The following SLC25A26 variants were observed in gnomAD, a reference collection of about 807,000 sequenced individuals.
SLC25A26 encodes the protein solute carrier family 25 member 26.
A neutral mutation model predicts 37.8 loss-of-function variants in SLC25A26; 36 were observed. The observed-to-expected ratio is 0.95, with a 90% CI of 0.73 to 1.26. The LOEUF (loss-of-function observed/expected upper bound fraction) is 1.26, where lower values mean the gene tolerates loss of function less well. Among genes scored for constraint, SLC25A26 ranks in the 50% most tolerant of loss-of-function variants. The pLI is 0.00. For missense variants in SLC25A26, 390 were observed against 331.1 expected, an observed-to-expected ratio of 1.18 and a Z score of -1.38; for synonymous variants, 129 against 122.5, an observed-to-expected ratio of 1.05 and a Z score of -0.35.
intron 6 of SLC25A26, among the ~76,000 whole-genome samples, chr3:66,361,305 A>G (rs1192682701): frequency 6.6e-6 from 1 of 152,250 alleles, no homozygotes; most frequent in Non-Finnish European, 1.5e-5. Context: ...AGAAGAAAAC[A>G]CAGGATCAAA....
At chr3:66,224,660 A>G (rs1553659808) in intron 1 of SLC25A26, among the ~76,000 whole-genome samples, 1 of 152,234 alleles carries the variant, frequency 6.6e-6, no homozygotes, top group African/African-American at 2.4e-5. Context: ...TGCCTTCTCA[A>G]CAGTCCCCAA....
intron 1 of SLC25A26, among the ~76,000 whole-genome samples, chr3:66,148,340 G>T (rs1433560122): frequency 6.6e-6 from 1 of 152,162 alleles, no homozygotes; most frequent in Non-Finnish European, 1.5e-5. Context: ...AGCACCCAGG[G>T]GCTAGGAACT....
rs532387979 is a variant in SLC25A26, at chr3:66,250,872, G to T, written c.300+7560G>T. ...TCTATTTAAGGTATCAACACAATGT[G>T]GGATACGTATAGATAGTAAAATGGT... On this transcript the variant is annotated intron_variant, in intron 3 of 9. Coordinates refer to ENST00000354883, the MANE Select transcript of SLC25A26 (RefSeq NM_001379210.1). Among the ~76,000 whole-genome samples, 21 of 152,268 alleles carry T rather than the reference G, an allele frequency of 1.4e-4. No individual in the cohort carries two copies. In the South Asian group the frequency reaches 4.4e-3, roughly 32 times the overall value.
At chr3:66,135,108 G>A (rs1490388978) in intron 1 of SLC25A26, among the ~76,000 whole-genome samples, 1 of 152,196 alleles carries the variant, frequency 6.6e-6, no homozygotes, top group Non-Finnish European at 1.5e-5. Context: ...TGGGATTACA[G>A]GAGTGAGCCA....
intron 1 of SLC25A26, among the ~76,000 whole-genome samples, chr3:66,228,722 T>C (rs901778829): frequency 1.3e-5 from 2 of 152,218 alleles, no homozygotes; most frequent in Non-Finnish European, 2.9e-5. Context: ...TAAAAGTGCT[T>C]ATGCAACTTT....
At chr3:66,202,458 G>A (rs1037297153) in intron 1 of SLC25A26, among the ~76,000 whole-genome samples, 8 of 145,694 alleles carry the variant, frequency 5.5e-5, no homozygotes, top group African/African-American at 1.3e-4. Context: ...TGCAGCAAAT[G>A]ACCACAGCAT....
chr3:66,308,236 C>G (rs2075280498), intron 5 of SLC25A26, among the ~76,000 whole-genome samples: 1 of 151,996 alleles, frequency 6.6e-6, no homozygotes, highest in Non-Finnish European at 1.5e-5. Context: ...AAGTTGTATT[C>G]CTAGGTATTT....
chr3:66,254,539 G>T (rs927887988), intron 3 of SLC25A26, among the ~76,000 whole-genome samples: 2 of 152,230 alleles, frequency 1.3e-5, no homozygotes, highest in Non-Finnish European at 2.9e-5. Context: ...TTAAATTTCT[G>T]TTGAATTGGT....
At chr3:66,281,752 G>C (rs1175168571) in intron 5 of SLC25A26, among the ~76,000 whole-genome samples, 1 of 150,430 alleles carries the variant, frequency 6.6e-6, no homozygotes, top group Non-Finnish European at 1.5e-5. Flanking sequence ...TACTTAAACT[G>C]TCCCATATTT....
At position 66,352,428 on chromosome 3, in the gene SLC25A26, G is replaced by GTTTTTTTT. The variant is rs1242977476; in HGVS notation, c.498+6026_498+6027insTTTTTTTT. The stretch of plus-strand genomic sequence containing the variant: ...TGCCTAGCGCCTCCCCTCGTTTTTT[G>GTTTTTTTT]TTTTTTGTTTTTTGTTTTTTTTTTT... On this transcript the variant is annotated intron_variant, in intron 6 of 9. Transcript: ENST00000354883. Among the ~76,000 whole-genome samples the GTTTTTTTT allele has an allele frequency of 1.7e-3, 211 of 126,544 alleles. 7 individuals are homozygous for GTTTTTTTT. The highest frequency in any genetic ancestry group is 6.4e-3 in the African/African-American group (186 of 29,012). 83.0% of individuals were successfully genotyped at this position (126,544 alleles called of 152,430 possible).
At chr3:66,184,913 C>A (rs1442276240) in intron 1 of SLC25A26, among the ~76,000 whole-genome samples, 1 of 152,162 alleles carries the variant, frequency 6.6e-6, no homozygotes, top group East Asian at 1.9e-4. Flanking sequence ...CTGACATTCA[C>A]ACTGATCATC....
intron 5 of SLC25A26, among the ~76,000 whole-genome samples, chr3:66,299,586 A>T (rs1309411266): frequency 6.6e-6 from 1 of 152,170 alleles, no homozygotes; most frequent in East Asian, 1.9e-4. Context: ...CGTAGTCCAT[A>T]TTTATTATTG....
chr3:66,264,005 C>T (rs1335331444), intron 5 of SLC25A26, among the ~76,000 whole-genome samples: 5 of 151,712 alleles, frequency 3.3e-5, no homozygotes, highest in African/African-American at 4.8e-5. Flanking sequence ...TCGGGTCAGG[C>T]GTGGTAGCTC....
At chr3:66,377,549 C>A in intron 9 of SLC25A26, 141 bp from the exon 10 acceptor site, 1 of 601,042 alleles carries the variant, frequency 1.7e-6, no homozygotes, top group Non-Finnish European at 3.0e-6. Context: ...CTATTACTTG[C>A]CTTATTTGGG....
At chr3:66,250,748 C>T (rs1053174743) in intron 3 of SLC25A26, among the ~76,000 whole-genome samples, 4 of 151,932 alleles carry the variant, frequency 2.6e-5, no homozygotes, top group South Asian at 2.1e-4. Flanking sequence ...TGGTTTTCTC[C>T]GGACTGGGGT....
chr3:66,340,771 G>A (rs373280761), intron 5 of SLC25A26, among the ~76,000 whole-genome samples: 3 of 152,022 alleles, frequency 2.0e-5, no homozygotes, highest in African/African-American at 7.2e-5. Context: ...ATCAAATATT[G>A]TCAATACTCC....
At chr3:66,374,238 T>G (rs188435353) in intron 9 of SLC25A26, among the ~76,000 whole-genome samples, 403 of 152,354 alleles carry the variant, frequency 2.6e-3, no homozygotes, top group South Asian at 0.012. Flanking sequence ...TGAGCGAGTC[T>G]TGCAGAGCCC....
chr3:66,309,192 T>G (rs906641343), intron 5 of SLC25A26, among the ~76,000 whole-genome samples: 1 of 152,214 alleles, frequency 6.6e-6, no homozygotes, highest in Non-Finnish European at 1.5e-5. Context: ...ATTTCAGAAC[T>G]TGTTATTGGA....
chr3:66,268,928 C>A (rs2073858858), intron 5 of SLC25A26, among the ~76,000 whole-genome samples: 1 of 152,162 alleles, frequency 6.6e-6, no homozygotes, highest in African/African-American at 2.4e-5. Flanking sequence ...TTGTAAGTTG[C>A]CTGAGGCTCC....
Sources: allele counts gnomAD v4.1 joint callset (sites outside exome capture counted in the v4.1 genomes callset), GRCh38; gene constraint gnomAD v4.1.1; transcripts MANE v1.5; gene names NCBI Gene and HGNC (gene_info 2026-07-23, HGNC 2026-07-21).